Variants in POLQ observed in about 807,000 individuals in gnomAD.
The protein encoded by POLQ is epididymis secretory sperm binding protein.
In POLQ, 233 loss-of-function variants were observed where a neutral mutation model predicts 259.2. That is an observed-to-expected ratio of 0.90 (90% CI 0.81 to 1.00). The LOEUF is 1.00. Ranked by LOEUF, POLQ falls within the 50% of genes least tolerant of loss-of-function variation. The pLI, the probability that POLQ is intolerant of heterozygous loss-of-function variation, is 0.00. For missense variants in POLQ, 2,871 were observed against 3,051.6 expected (o/e 0.94, Z 1.39); for synonymous variants, 1,025 against 1,048.8 (o/e 0.98, Z 0.44).
intron 20 of POLQ, among the ~76,000 whole-genome samples, chr3:121,473,731 T>C (rs1011735178): frequency 5.4e-5 from 8 of 147,748 alleles, no homozygotes; most frequent in Admixed American, 3.4e-4. Context: ...CAAGGCCTTT[T>C]TTTTTTTTTT....
rs143554452 is a variant in POLQ, at chr3:121,469,554, T to C, written c.6719-1123A>G. 2.7e-3 allele frequency among the ~76,000 whole-genome samples: 408 copies of C among 152,318 alleles called. 2 individuals are homozygous for C. Among genetic ancestry groups the C allele is most frequent in the African/African-American group, 8.4e-3 (351 of 41,584 alleles). On this transcript the variant is annotated intron_variant, in intron 22 of 29. Transcript: ENST00000264233. ...CAGTTAATGATAACCTTTAACATAA[T>C]TGTTGACATTAAATGGCCTGTTCAG...
chr3:121,442,113 T>A (rs188013433), intron 26 of POLQ, among the ~76,000 whole-genome samples: 3 of 152,218 alleles, frequency 2.0e-5, no homozygotes, highest in African/African-American at 7.2e-5. Flanking sequence ...CTACTGCAAA[T>A]ATTTCTTCCC....
chr3:121,462,066 G>A (rs937703279), intron 24 of POLQ, among the ~76,000 whole-genome samples: 3 of 151,960 alleles, frequency 2.0e-5, no homozygotes, highest in African/African-American at 7.3e-5. Context: ...ACGCTCACTG[G>A]GGCATTTCAG....
chr3:121,441,718 G>C (rs1462181963), intron 26 of POLQ, among the ~76,000 whole-genome samples: 1 of 152,100 alleles, frequency 6.6e-6, no homozygotes, highest in Non-Finnish European at 1.5e-5. Context: ...GCCTTCCTTT[G>C]GACATGCTTT....
chr3:121,526,862 T>A (rs1377014841), intron 7 of POLQ, among the ~76,000 whole-genome samples: 1 of 131,812 alleles, frequency 7.6e-6, no homozygotes, highest in Non-Finnish European at 1.6e-5. Flanking sequence ...TGTGTGTGCG[T>A]GTGTGTCTCT....
In POLQ at chr3:121,432,417, C is replaced by T. The variant is rs3772119; in HGVS notation, c.7660G>A (p.Val2554Ile). The T allele has an allele frequency of 1.8e-4, 295 of 1,598,098 alleles. 4 individuals carry two copies. The East Asian group carries it at 6.4e-3, about 35-fold the overall frequency. ...YEVAEEDVVQ[V>I]AQIVKNEMES... ...ATTTCATTCTTGACAATCTGAGCTA[C>T]CTAAGGAAAAAAAAAATGTAGTTAA... The change falls in exon 30 of 30, where the codon GTA (valine) becomes ATA (isoleucine). Residue 2554 changes from valine to isoleucine, a missense_variant and splice_region_variant. By Grantham distance (29) the Val-to-Ile change is conservative (BLOSUM62 3). Transcript: ENST00000264233.
At chr3:121,442,336 C>T (rs2047599822) in intron 26 of POLQ, among the ~76,000 whole-genome samples, 1 of 152,112 alleles carries the variant, frequency 6.6e-6, no homozygotes, top group South Asian at 2.1e-4. Flanking sequence ...TTTAAATGTA[C>T]AATTAATTAT....
chr3:121,465,225 G>T (rs1044541551), intron 24 of POLQ, among the ~76,000 whole-genome samples: 1 of 151,790 alleles, frequency 6.6e-6, no homozygotes, highest in Non-Finnish European at 1.5e-5. Flanking sequence ...CTGAGTAGCT[G>T]GGACTACAGG....
chr3:121,461,833 G>A (rs531131505), intron 24 of POLQ, among the ~76,000 whole-genome samples: 11 of 152,128 alleles, frequency 7.2e-5, no homozygotes, highest in Non-Finnish European at 1.2e-4. Flanking sequence ...TAATCTATAA[G>A]AATTGGGAAG....
chr3:121,486,054 A>G (rs1357302276), intron 16 of POLQ, among the ~76,000 whole-genome samples: 2 of 152,074 alleles, frequency 1.3e-5, no homozygotes, highest in Non-Finnish European at 2.9e-5. Context: ...AAAAGGTTCA[A>G]CTCTCTCAAA....
At chr3:121,449,793 G>T (rs2047658719) in intron 25 of POLQ, among the ~76,000 whole-genome samples, 1 of 152,164 alleles carries the variant, frequency 6.6e-6, no homozygotes, top group Non-Finnish European at 1.5e-5. Context: ...GGGAAGAGAA[G>T]CATTACCAAC....
intron 21 of POLQ, among the ~76,000 whole-genome samples, chr3:121,472,878 C>T (rs1208108968): frequency 6.6e-6 from 1 of 152,168 alleles, no homozygotes; most frequent in African/African-American, 2.4e-5. Flanking sequence ...CTAATGTGTA[C>T]AGTTTCCATG....
At chr3:121,517,376 T>G (rs898028520) in intron 9 of POLQ, among the ~76,000 whole-genome samples, 1 of 152,208 alleles carries the variant, frequency 6.6e-6, no homozygotes, top group Non-Finnish European at 1.5e-5. Flanking sequence ...GTTTTGTTTT[T>G]TTTTTTTAAA....
intron 24 of POLQ, among the ~76,000 whole-genome samples, chr3:121,466,363 C>CAAAA (rs751087085): frequency 3.1e-4 from 29 of 94,018 alleles, no homozygotes; most frequent in African/African-American, 4.2e-4. Flanking sequence ...GACTCCGTCT[C>CAAAA]AAAAAAAAAA....
chr3:121,535,178 A>G (rs564555854), intron 5 of POLQ, among the ~76,000 whole-genome samples: 1 of 152,222 alleles, frequency 6.6e-6, no homozygotes, highest in African/African-American at 2.4e-5. Context: ...AAAAGAATCT[A>G]TTGAGTACCC....
intron 7 of POLQ, among the ~76,000 whole-genome samples, chr3:121,526,470 T>A (rs1283849629): frequency 6.6e-6 from 1 of 152,214 alleles, no homozygotes; most frequent in East Asian, 1.9e-4. Context: ...TGCTTTCTTC[T>A]CTTTCTTACT....
intron 27 of POLQ, among the ~76,000 whole-genome samples, chr3:121,438,877 A>G (rs1023191208): frequency 1.3e-5 from 2 of 152,214 alleles, no homozygotes; most frequent in East Asian, 3.9e-4. Context: ...AGAGTAAAGC[A>G]GTAACAAAAA....
intron 17 of POLQ, 63 bp from the exon 18 acceptor site, chr3:121,483,645 GAAGCAGC>G: frequency 8.1e-7 from 1 of 1,239,938 alleles, no homozygotes; most frequent in African/African-American, 1.5e-5. Context: ...GCATTCATTT[GAAGCAGC>G]AATCTTTAGT....
chr3:121,500,091 G>A (rs2048155103), intron 12 of POLQ, among the ~76,000 whole-genome samples: 1 of 152,000 alleles, frequency 6.6e-6, no homozygotes. Flanking sequence ...GATCAGCATG[G>A]GCAACATGGT....
Sources: allele counts gnomAD v4.1 joint callset (sites outside exome capture counted in the v4.1 genomes callset), GRCh38; gene constraint gnomAD v4.1.1; transcripts MANE v1.5; gene names NCBI Gene and HGNC (gene_info 2026-07-23, HGNC 2026-07-21).